The following NBPF10 variants were observed in gnomAD, a reference collection of about 807,000 sequenced individuals.
NBPF10 encodes NBPF member 10, also known as NBPF family member NBPF10.
A neutral mutation model predicts 77.9 loss-of-function variants in NBPF10; 63 were observed. The observed-to-expected ratio is 0.81, with a 90% CI of 0.66 to 1.00. The LOEUF is 1.00. Ranked by LOEUF, NBPF10 falls within the 50% of genes least tolerant of loss-of-function variation. The pLI is 0.00. For synonymous variants in NBPF10, 146 were observed against 264.5 expected (o/e 0.55, Z 4.35); for missense variants, 522 against 679.8 (o/e 0.77, Z 2.58).
At chr1:146,142,444 G>C (rs1553797760) in intron 2 of NBPF10, among the ~76,000 whole-genome samples, 1 of 133,930 alleles carries the variant, frequency 7.5e-6, no homozygotes, top group Non-Finnish European at 1.7e-5. Flanking sequence ...GTTTGAAAAA[G>C]AGAAAACAAG....
At chr1:146,136,200 C>G (rs1406720408) in intron 7 of NBPF10, among the ~76,000 whole-genome samples, 153 bp downstream of exon 7, 3 of 151,810 alleles carry the variant, frequency 2.0e-5, no homozygotes, top group Admixed American at 1.3e-4. Flanking sequence ...TACTATCCTT[C>G]TTCTCTGATA....
chr1:146,066,856 C>T (rs11802634), intron 89 of NBPF10, among the ~76,000 whole-genome samples: 2 of 149,746 alleles, frequency 1.3e-5, no homozygotes, highest in African/African-American at 2.4e-5. Flanking sequence ...GACACTCTGA[C>T]TTAGTGCCCT....
intron 85 of NBPF10, 134 bp from the exon 86 acceptor site, chr1:146,069,849 A>C (rs1316688375): frequency 1.8e-6 from 1 of 551,424 alleles, no homozygotes; most frequent in African/African-American, 2.6e-5. Context: ...GTAACAAATT[A>C]TTGCCTTTAT....
intron 11 of NBPF10, among the ~76,000 whole-genome samples, chr1:146,129,459 G>T (rs1659066208): frequency 7.1e-6 from 1 of 140,812 alleles, no homozygotes; most frequent in East Asian, 2.0e-4. Context: ...AGAGTAAAAA[G>T]AAATGAACAA....
chr1:146,139,213 C>T (rs1184222457), intron 5 of NBPF10, among the ~76,000 whole-genome samples: 1,347 of 147,472 alleles, frequency 9.1e-3, no homozygotes, highest in Non-Finnish European at 0.014. Context: ...CATTCTCCTG[C>T]CTCAGCCTCC....
Position 146,129,897 on chromosome 1 carries a change from A to G in NBPF10, c.1638-1615T>C, listed in dbSNP as rs868929169. Among the ~76,000 whole-genome samples the G allele has an allele frequency of 9.9e-5, 10 of 101,188 alleles. 1 individual carries two copies. Among genetic ancestry groups the G allele is most frequent in the Non-Finnish European group, 1.6e-4 (8 of 50,482 alleles). The allele number at this position is 101,188 out of a possible 152,430, so 66.4% of individuals were successfully genotyped here. On this transcript the variant is annotated intron_variant, in intron 11 of 89. Transcript: ENST00000583866. ...CCTTTATTATTTTTTGTGTGTATGT[A>G]TATATATATATATATTTTTTAATAC... is the stretch of plus-strand genomic sequence containing the variant.
intron 8 of NBPF10, among the ~76,000 whole-genome samples, chr1:146,134,509 A>G (rs1659506229): frequency 9.6e-6 from 1 of 104,506 alleles, no homozygotes; most frequent in Admixed American, 1.0e-4. Context: ...TGCTTCCCAT[A>G]TCACTGGAGG....
exon 90 of NBPF10, chr1:146,064,808 G>A (rs1412982913): frequency 3.3e-5 from 2 of 61,450 alleles, no homozygotes; most frequent in Non-Finnish European, 6.4e-5. Flanking sequence ...CAGAGTGATA[G>A]GCAAAAGGTT....
At chr1:146,124,586 C>G (rs1658413118) in intron 16 of NBPF10, 102 bp downstream of exon 16, 1 of 48,920 alleles carries the variant, frequency 2.0e-5, no homozygotes, top group Non-Finnish European at 3.5e-5. Context: ...CTGCCTGCGG[C>G]AATGACGTCT....
At chr1:146,142,694 C>T (rs1553797905) in exon 2 of NBPF10, 1 of 1,361,552 alleles carries the variant, frequency 7.3e-7, no homozygotes, top group African/African-American at 1.4e-5. Flanking sequence ...GCTTCTCCTC[C>T]TTGAACTGTC....
At chr1:146,142,053 T>C (rs1284336996) in intron 2 of NBPF10, among the ~76,000 whole-genome samples, 1 of 126,516 alleles carries the variant, frequency 7.9e-6, no homozygotes, top group African/African-American at 2.6e-5. Context: ...CATCTTTCTC[T>C]TCTGTAAACA....
At chr1:146,129,828 G>A (rs1553791790) in intron 11 of NBPF10, among the ~76,000 whole-genome samples, 2 of 70,636 alleles carry the variant, frequency 2.8e-5, no homozygotes, top group Non-Finnish European at 5.4e-5. Context: ...AAGAGAGTGG[G>A]AGCAATATTC....
intron 88 of NBPF10, among the ~76,000 whole-genome samples, chr1:146,067,794 T>A (rs1482749611): frequency 6.6e-6 from 1 of 151,812 alleles, no homozygotes; most frequent in African/African-American, 2.4e-5. Flanking sequence ...AGGTATGGCC[T>A]GAGACTAGGA....
chr1:146,139,317 G>T (rs1355966510), intron 5 of NBPF10, among the ~76,000 whole-genome samples: 1 of 151,144 alleles, frequency 6.6e-6, no homozygotes, highest in Non-Finnish European at 1.5e-5. Context: ...CACCGTGTTA[G>T]CCAGGATGGT....
Position 146,125,666 on chromosome 1 carries a change from G to T in NBPF10, c.2027-150C>A, listed in dbSNP as rs1658515691. 5 of 519,254 alleles carry T rather than the reference G, an allele frequency of 9.6e-6. No individual in the cohort carries two copies. In the East Asian group the frequency reaches 1.4e-4, roughly 15 times the overall value. 32.2% of individuals were successfully genotyped at this position (519,254 alleles called of 1,614,324 possible). On this transcript the variant is annotated intron_variant, in intron 14 of 89. Transcript: ENST00000583866. ...ATATTCTTCAGGAGGCCTGAAGGCTGATCACCACAGAGATTCCTTGGTTTT... is the reference window on the plus strand; with the variant it reads ...ATATTCTTCAGGAGGCCTGAAGGCTTATCACCACAGAGATTCCTTGGTTTT...
intron 88 of NBPF10, among the ~76,000 whole-genome samples, chr1:146,067,622 C>A (rs1173994143): frequency 6.7e-6 from 1 of 150,228 alleles, no homozygotes; most frequent in Non-Finnish European, 1.5e-5. Flanking sequence ...ATATTTAGCC[C>A]TGTCTCATCA....
At chr1:146,067,859 G>T (rs1301249938) in intron 88 of NBPF10, 144 bp downstream of exon 88, 3 of 698,534 alleles carry the variant, frequency 4.3e-6, no homozygotes, top group South Asian at 1.5e-5. Flanking sequence ...TGAGACTACA[G>T]TTTCATTACA....
At chr1:146,069,195 G>C (rs1374652069) in intron 86 of NBPF10, among the ~76,000 whole-genome samples, 1 of 84,824 alleles carries the variant, frequency 1.2e-5, no homozygotes, top group East Asian at 2.5e-4. Flanking sequence ...TGGTAGCGAG[G>C]ATTGTAGACG....
chr1:146,125,947 C>A (rs1171943812), intron 14 of NBPF10, among the ~76,000 whole-genome samples: 2 of 151,592 alleles, frequency 1.3e-5, no homozygotes, highest in Admixed American at 6.6e-5. Context: ...AAAATTTAGA[C>A]AAAATCAGAG....
Sources: allele counts gnomAD v4.1 joint callset (sites outside exome capture counted in the v4.1 genomes callset), GRCh38; gene constraint gnomAD v4.1.1; transcripts MANE v1.5; gene names NCBI Gene and HGNC (gene_info 2026-07-23, HGNC 2026-07-21).